The following PTPRT variants were observed in gnomAD, a reference collection of about 807,000 sequenced individuals.
The protein encoded by PTPRT is protein tyrosine phosphatase receptor type T, also known as receptor-type tyrosine-protein phosphatase T.
A neutral mutation model predicts 176.8 loss-of-function variants in PTPRT; 56 were observed. That is an observed-to-expected ratio of 0.32 (90% CI 0.26 to 0.40). The LOEUF (loss-of-function observed/expected upper bound fraction) is 0.40, where lower values mean the gene tolerates loss of function less well. Among genes scored for constraint, PTPRT ranks in the 10% least tolerant of loss-of-function variants. The pLI, the probability that PTPRT is intolerant of heterozygous loss-of-function variation, is 1.00. For missense variants in PTPRT, 1,540 were observed against 1,908.2 expected, an observed-to-expected ratio of 0.81 and a Z score of 3.60; for synonymous variants, 783 against 739.0, an observed-to-expected ratio of 1.06 and a Z score of -0.96.
chr20:42,501,723 C>T (rs1486594806), intron 7 of PTPRT, among the ~76,000 whole-genome samples: 6 of 152,026 alleles, frequency 3.9e-5, no homozygotes, highest in Non-Finnish European at 7.4e-5. Context: ...TTTGCTGTTC[C>T]CTGTTGTATA....
chr20:42,446,621 T>TGTGTGTGTGTGA (rs1491165117), intron 9 of PTPRT, among the ~76,000 whole-genome samples: 161 of 130,138 alleles, frequency 1.2e-3, no homozygotes, highest in East Asian at 7.0e-3. Context: ...TGTGTGTGTG[T>TGTGTGTGTGTGA]GAGAGAGAGA....
chr20:42,126,679 A>G (rs1237928512), intron 19 of PTPRT, among the ~76,000 whole-genome samples: 2 of 152,026 alleles, frequency 1.3e-5, no homozygotes, highest in Non-Finnish European at 1.5e-5. Context: ...GTGAAGGTCT[A>G]TTTTCTTATC....
chr20:42,492,497 T>C (rs1025903756), intron 7 of PTPRT, among the ~76,000 whole-genome samples: 6 of 152,182 alleles, frequency 3.9e-5, no homozygotes, highest in Non-Finnish European at 8.8e-5. Context: ...ATACAGGTCA[T>C]TTGTTTTTAA....
At chr20:42,055,418 A>G in the PTPRT span, among the ~76,000 whole-genome samples, 1 of 152,240 alleles carries the variant, frequency 6.6e-6, no homozygotes, top group Non-Finnish European at 1.5e-5. Context: ...CTAGGTTTCA[A>G]GATTCTCAGA....
intron 7 of PTPRT, among the ~76,000 whole-genome samples, chr20:42,487,029 G>T (rs551675652): frequency 6.6e-6 from 1 of 152,232 alleles, no homozygotes; most frequent in Middle Eastern, 3.4e-3. Flanking sequence ...TGTATGTTTT[G>T]GTTAACATGA....
intron 9 of PTPRT, among the ~76,000 whole-genome samples, chr20:42,365,503 A>G (rs1482630116): frequency 2.6e-5 from 4 of 151,842 alleles, no homozygotes; most frequent in African/African-American, 9.7e-5. Context: ...ACCAAGAACC[A>G]ATTTTCATCT....
In PTPRT at chr20:43,020,122, A is replaced by G. The variant is rs866898536; in HGVS notation, c.89-134190T>C. Among the ~76,000 whole-genome samples the G allele has an allele frequency of 5.1e-3, 660 of 129,944 alleles. 5 individuals carry two copies. Among genetic ancestry groups the G allele is most frequent in the African/African-American group, 0.019 (509 of 26,320 alleles). 85.2% of individuals were successfully genotyped at this position (129,944 alleles called of 152,430 possible). On this transcript the variant is annotated intron_variant, in intron 1 of 30. Transcript: ENST00000373187. Reference sequence around the variant, plus strand: ...TGTGTGTGTGTGTGTATATATATATATATATACATATGCATGTGTGTGTAC... The same window carrying G: ...TGTGTGTGTGTGTGTATATATATATGTATATACATATGCATGTGTGTGTAC...
chr20:42,117,606 G>C (rs1266762320), intron 21 of PTPRT, among the ~76,000 whole-genome samples: 1 of 152,146 alleles, frequency 6.6e-6, no homozygotes, highest in Non-Finnish European at 1.5e-5. Context: ...TGCTGAGATT[G>C]AGTAAGATGA....
intron 1 of PTPRT, among the ~76,000 whole-genome samples, chr20:43,152,761 C>T (rs1355364221): frequency 6.6e-6 from 1 of 152,132 alleles, no homozygotes; most frequent in Non-Finnish European, 1.5e-5. Flanking sequence ...CAAATCTGCA[C>T]AAGTGACAAG....
intron 1 of PTPRT, among the ~76,000 whole-genome samples, chr20:42,908,994 C>A (rs1380181249): frequency 6.6e-6 from 1 of 151,918 alleles, no homozygotes; most frequent in Non-Finnish European, 1.5e-5. Context: ...CATCTATAAA[C>A]AAAATAAAAA....
intron 1 of PTPRT, among the ~76,000 whole-genome samples, chr20:43,053,526 A>G (rs1307706933): frequency 1.3e-5 from 2 of 152,188 alleles, no homozygotes. Flanking sequence ...CATCATTCAT[A>G]TAACAGACAT....
At chr20:43,118,955 G>C (rs1157126651) in intron 1 of PTPRT, among the ~76,000 whole-genome samples, 1 of 152,148 alleles carries the variant, frequency 6.6e-6, no homozygotes, top group East Asian at 1.9e-4. Context: ...TTTATTCTAA[G>C]AAAGTCAACA....
Position 42,454,308 on chromosome 20 carries a change from G to T in PTPRT, c.1451-5979C>A, listed in dbSNP as rs141173036. 3.0e-3 allele frequency among the ~76,000 whole-genome samples: 454 copies of T among 152,208 alleles called. 2 individuals carry two copies. The highest frequency in any genetic ancestry group is 9.8e-3 in the African/African-American group (409 of 41,526). ...CAATATAATTTATTGGAATACTTTT[G>T]TATATTTGATTGAACATATATATAA... On this transcript the variant is annotated intron_variant, in intron 8 of 30. Coordinates refer to ENST00000373187, the MANE Select transcript of PTPRT (RefSeq NM_007050.6).
intron 2 of PTPRT, among the ~76,000 whole-genome samples, chr20:42,835,963 T>C (rs913559740): frequency 6.6e-6 from 1 of 152,046 alleles, no homozygotes; most frequent in African/African-American, 2.4e-5. Context: ...AGATAGCACG[T>C]TGGGAAGGAG....
At chr20:42,811,706 A>C (rs2077700584) in intron 2 of PTPRT, among the ~76,000 whole-genome samples, 1 of 152,224 alleles carries the variant, frequency 6.6e-6, no homozygotes, top group Middle Eastern at 3.4e-3. Flanking sequence ...CGCTGTTGTT[A>C]CACTGCCCAG....
rs867336722 is a variant in PTPRT, at chr20:43,007,093, G to A, written c.89-121161C>T. 1.4e-4 allele frequency among the ~76,000 whole-genome samples: 21 copies of A among 152,152 alleles called. 1 individual carries two copies. In the South Asian group the frequency reaches 3.1e-3, roughly 23 times the overall value. On this transcript the variant is annotated intron_variant, in intron 1 of 30. Coordinates refer to ENST00000373187, the MANE Select transcript of PTPRT (RefSeq NM_007050.6). ...TATAAAGAGAAGTCTAGAGAGAGAC[G>A]ATCAGAGCTCATGAGATCCTGAAGT... is the stretch of plus-strand genomic sequence containing the variant.
chr20:42,683,067 G>A (rs190085442), intron 6 of PTPRT, among the ~76,000 whole-genome samples: 3 of 151,906 alleles, frequency 2.0e-5, no homozygotes, highest in Non-Finnish European at 2.9e-5. Context: ...TACACCACAC[G>A]TCTCACCCCA....
At chr20:42,508,871 A>G (rs2071897773) in intron 7 of PTPRT, among the ~76,000 whole-genome samples, 1 of 147,828 alleles carries the variant, frequency 6.8e-6, no homozygotes, top group South Asian at 2.1e-4. Context: ...GTTTATCCTT[A>G]CACTTAATTT....
intron 1 of PTPRT, among the ~76,000 whole-genome samples, chr20:42,978,899 C>T (rs547949493): frequency 6.6e-6 from 1 of 152,308 alleles, no homozygotes; most frequent in African/African-American, 2.4e-5. Context: ...AAACGAGCAA[C>T]CAGCAGCCCT....
Sources: allele counts gnomAD v4.1 joint callset (sites outside exome capture counted in the v4.1 genomes callset), GRCh38; gene constraint gnomAD v4.1.1; transcripts MANE v1.5; gene names NCBI Gene and HGNC (gene_info 2026-07-23, HGNC 2026-07-21).